The following LRRC4C variants were observed in gnomAD, a reference collection of about 807,000 sequenced individuals.
The protein encoded by LRRC4C is leucine-rich repeat-containing protein 4C.
A neutral mutation model predicts 33.6 loss-of-function variants in LRRC4C; 5 were observed. The observed-to-expected ratio is 0.15, with a 90% CI of 0.08 to 0.31. The LOEUF (loss-of-function observed/expected upper bound fraction) is 0.31, where lower values mean the gene tolerates loss of function less well. LRRC4C is among the 10% of genes least tolerant of loss of function. The pLI is 1.00. For synonymous variants in LRRC4C, 329 were observed against 302.0 expected (o/e 1.09, Z -0.93); for missense variants, 560 against 796.7 (o/e 0.70, Z 3.58).
intron 2 of LRRC4C, among the ~76,000 whole-genome samples, chr11:40,690,200 G>A (rs971227940): frequency 3.3e-5 from 5 of 152,038 alleles, no homozygotes; most frequent in Admixed American, 3.3e-4. Context: ...CAGTGAACTA[G>A]ACATTTTTTT....
In LRRC4C at chr11:41,037,475, A is replaced by G. The variant is rs375463342; in HGVS notation, c.-495-103752T>C. The stretch of plus-strand genomic sequence containing the variant: ...CTGCCTTGGCCTCCCAAAGTGTGAG[A>G]TTACAGGTGTGAGCCACTGTGCCTG... On this transcript the variant is annotated intron_variant, in intron 1 of 6. Coordinates refer to ENST00000528697, the MANE Select transcript of LRRC4C (RefSeq NM_001258419.2). Among the ~76,000 whole-genome samples the G allele has an allele frequency of 1.8e-4, 27 of 152,090 alleles. 1 individual carries two copies. The highest frequency in any genetic ancestry group is 6.3e-4 in the African/African-American group (26 of 41,488).
intron 2 of LRRC4C, among the ~76,000 whole-genome samples, chr11:40,928,391 G>A (rs1253803315): frequency 1.3e-5 from 2 of 151,832 alleles, no homozygotes; most frequent in East Asian, 3.9e-4. Context: ...ATCATGAGAT[G>A]GAGTTGGAAA....
intron 1 of LRRC4C, among the ~76,000 whole-genome samples, chr11:41,160,423 T>C (rs1944418531): frequency 6.6e-6 from 1 of 150,478 alleles, no homozygotes; most frequent in South Asian, 2.1e-4. Context: ...CACATGGAAG[T>C]AAGATTATTG....
intron 3 of LRRC4C, among the ~76,000 whole-genome samples, chr11:40,628,518 A>G (rs1963179450): frequency 6.6e-6 from 1 of 152,248 alleles, no homozygotes; most frequent in African/African-American, 2.4e-5. Context: ...AACCTAATTC[A>G]TCATCTTTTA....
chr11:41,248,177 A>G (rs1023937167), intron 1 of LRRC4C, among the ~76,000 whole-genome samples: 4 of 152,162 alleles, frequency 2.6e-5, no homozygotes, highest in African/African-American at 9.7e-5. Flanking sequence ...AAACTAACAA[A>G]TATTCTCTTG....
At chr11:40,530,929 G>C (rs1026045831) in intron 3 of LRRC4C, among the ~76,000 whole-genome samples, 1 of 152,226 alleles carries the variant, frequency 6.6e-6, no homozygotes, top group East Asian at 1.9e-4. Context: ...TAGTGACCCT[G>C]TCATGGAACT....
intron 4 of LRRC4C, among the ~76,000 whole-genome samples, chr11:40,255,817 G>A (rs2136215737): frequency 6.6e-6 from 1 of 152,244 alleles, no homozygotes; most frequent in East Asian, 1.9e-4. Context: ...TTGTATAAAG[G>A]CCATTTGTTT....
intron 5 of LRRC4C, among the ~76,000 whole-genome samples, chr11:40,193,189 C>T (rs1321832476): frequency 2.6e-5 from 4 of 152,146 alleles, no homozygotes; most frequent in African/African-American, 9.7e-5. Flanking sequence ...TCGATAGACA[C>T]CTCATACAGG....
intron 3 of LRRC4C, among the ~76,000 whole-genome samples, chr11:40,478,173 T>C (rs564135422): frequency 1.3e-5 from 2 of 152,324 alleles, no homozygotes; most frequent in East Asian, 3.9e-4. Flanking sequence ...GAAAATGGAC[T>C]AATACACTGT....
chr11:40,980,088 T>C lies in LRRC4C; in HGVS notation c.-495-46365A>G, dbSNP rs1437580568. 3.3e-5 allele frequency among the ~76,000 whole-genome samples: 5 copies of C among 152,164 alleles called. No individual in the cohort carries two copies. In the East Asian group the frequency reaches 9.7e-4, roughly 29 times the overall value. On this transcript the variant is annotated intron_variant, in intron 1 of 6. Coordinates refer to ENST00000528697, the MANE Select transcript of LRRC4C (RefSeq NM_001258419.2). ...TAGCTTTCCCAGACATAAATTTAGC[T>C]CACAAAGCCATTCATTCAAGCTACA...
intron 5 of LRRC4C, among the ~76,000 whole-genome samples, chr11:40,230,447 A>T (rs1680276653): frequency 6.6e-6 from 1 of 152,320 alleles, no homozygotes; most frequent in Non-Finnish European, 1.5e-5. Context: ...GCAGGGGATG[A>T]GGAGGATTTG....
intron 2 of LRRC4C, among the ~76,000 whole-genome samples, chr11:40,824,983 G>A (rs762080434): frequency 3.8e-4 from 57 of 151,950 alleles, no homozygotes; most frequent in Non-Finnish European, 7.4e-4. Context: ...GGCCATTACA[G>A]AGACCATAAT....
At chr11:41,395,085 C>T (rs1809292426) in intron 1 of LRRC4C, among the ~76,000 whole-genome samples, 1 of 151,870 alleles carries the variant, frequency 6.6e-6, no homozygotes, top group Non-Finnish European at 1.5e-5. Flanking sequence ...CCAGGAGACA[C>T]AATCCTGGTT....
rs1211739889 is a variant in LRRC4C, at chr11:40,766,868, G to T, written c.-406-118590C>A. On this transcript the variant is annotated intron_variant, in intron 2 of 6. Transcript: ENST00000528697. Reference sequence around the variant, plus strand: ...GAAAGGAAGGGAAGGGAGGGAAGGGGAGGGAAGGAGAAGGGGGGAGGAAAA... The same window carrying T: ...GAAAGGAAGGGAAGGGAGGGAAGGGTAGGGAAGGAGAAGGGGGGAGGAAAA... Among the ~76,000 whole-genome samples the T allele has an allele frequency of 2.0e-5, 3 of 151,154 alleles. No homozygotes were observed. The East Asian group carries it at 5.9e-4, about 30-fold the overall frequency.
intron 1 of LRRC4C, among the ~76,000 whole-genome samples, chr11:41,448,478 G>A (rs374327947): frequency 1.1e-4 from 16 of 151,804 alleles, no homozygotes; most frequent in African/African-American, 3.9e-4. Context: ...GCTAATTTTT[G>A]TAGTTTTGGT....
rs1036490839 is a variant in LRRC4C at position 40,597,126 on chromosome 11, C to T, written c.-270+51016G>A. On this transcript the variant is annotated intron_variant, in intron 3 of 6. Transcript: ENST00000528697. ...AAGAATCAGGCTCATCTTCATTCAA[C>T]CTACATTTACATAAGTTCTTCGATT... Among the ~76,000 whole-genome samples the T allele has an allele frequency of 5.3e-5, 8 of 152,246 alleles. 1 individual carries two copies. The East Asian group carries it at 1.4e-3, about 26-fold the overall frequency.
chr11:40,875,414 C>T (rs893071085), intron 2 of LRRC4C, among the ~76,000 whole-genome samples: 4 of 152,080 alleles, frequency 2.6e-5, no homozygotes, highest in African/African-American at 7.2e-5. Flanking sequence ...TGTCAAGATC[C>T]CGCATTTGAT....
intron 2 of LRRC4C, among the ~76,000 whole-genome samples, chr11:40,822,402 T>G (rs1951971608): frequency 6.6e-6 from 1 of 151,638 alleles, no homozygotes; most frequent in African/African-American, 2.4e-5. Context: ...TTTTAAAAAA[T>G]CCATTCATTC....
intron 4 of LRRC4C, among the ~76,000 whole-genome samples, chr11:40,313,865 G>C (rs1945447425): frequency 1.3e-5 from 2 of 151,748 alleles, no homozygotes; most frequent in African/African-American, 4.9e-5. Flanking sequence ...CGCCTGCCTC[G>C]GCCTCCCAAA....
Sources: allele counts gnomAD v4.1 joint callset (sites outside exome capture counted in the v4.1 genomes callset), GRCh38; gene constraint gnomAD v4.1.1; transcripts MANE v1.5; gene names NCBI Gene and HGNC (gene_info 2026-07-23, HGNC 2026-07-21).